The following CACNA2D3 variants were observed in gnomAD, a reference collection of about 807,000 sequenced individuals.
CACNA2D3 encodes the protein calcium voltage-gated channel auxiliary subunit alpha2delta 3, also known as voltage-dependent calcium channel subunit alpha-2/delta-3.
CACNA2D3 carries 60 observed loss-of-function variants against 160.6 expected under a neutral mutation model. The ratio of observed to expected loss-of-function variants is 0.37; its 90% CI spans 0.30 to 0.46. The LOEUF is 0.46. CACNA2D3 is among the 20% of genes least tolerant of loss of function. The pLI, the probability that CACNA2D3 is intolerant of heterozygous loss-of-function variation, is 1.00. For missense variants in CACNA2D3, 1,205 were observed against 1,365.0 expected (o/e 0.88, Z 1.85); for synonymous variants, 558 against 492.9 (o/e 1.13, Z -1.75).
intron 9 of CACNA2D3, among the ~76,000 whole-genome samples, chr3:54,626,858 C>T (rs548672000): frequency 6.6e-6 from 1 of 152,162 alleles, no homozygotes; most frequent in Non-Finnish European, 1.5e-5. Context: ...GGGCATGAGC[C>T]TGAATTCGCT....
chr3:54,165,783 A>G (rs557269184), intron 2 of CACNA2D3, among the ~76,000 whole-genome samples: 1 of 152,104 alleles, frequency 6.6e-6, no homozygotes, highest in Admixed American at 6.5e-5. Flanking sequence ...GGGTGACAGA[A>G]TGAGACCCTG....
chr3:54,316,692 C>T (rs915294391), intron 2 of CACNA2D3, among the ~76,000 whole-genome samples: 12 of 152,158 alleles, frequency 7.9e-5, no homozygotes, highest in Admixed American at 7.9e-4. Flanking sequence ...CACCAGTAGT[C>T]CTGGGAGACT....
At chr3:54,776,539 CCAAA>C (rs1441291315) in intron 13 of CACNA2D3, among the ~76,000 whole-genome samples, 3 of 151,978 alleles carry the variant, frequency 2.0e-5, no homozygotes, top group East Asian at 3.9e-4. Context: ...AAAACAGCAA[CCAAA>C]CAAAGACAAA....
chr3:54,522,094 A>G (rs1039236172), intron 5 of CACNA2D3, among the ~76,000 whole-genome samples: 1 of 152,176 alleles, frequency 6.6e-6, no homozygotes, highest in African/African-American at 2.4e-5. Flanking sequence ...TGGGATTCTG[A>G]CAGAGATTGA....
At chr3:54,750,775 C>CTTTT (rs36019615) in intron 11 of CACNA2D3, among the ~76,000 whole-genome samples, 1 of 144,318 alleles carries the variant, frequency 6.9e-6, no homozygotes, top group Non-Finnish European at 1.5e-5. Context: ...TGGATCTTTG[C>CTTTT]TTTTTTTTTT....
At chr3:54,619,168 A>G (rs1698927042) in intron 9 of CACNA2D3, among the ~76,000 whole-genome samples, 1 of 152,198 alleles carries the variant, frequency 6.6e-6, no homozygotes, top group Non-Finnish European at 1.5e-5. Context: ...CGCAAAGCTT[A>G]GTTCCCTGAG....
chr3:54,336,355 G>C (rs1704378371), intron 3 of CACNA2D3, among the ~76,000 whole-genome samples: 1 of 152,148 alleles, frequency 6.6e-6, no homozygotes, highest in South Asian at 2.1e-4. Flanking sequence ...TTGCTTGTTT[G>C]AGAGAGGGAG....
At chr3:54,956,174 T>C (rs78495174) in intron 27 of CACNA2D3, among the ~76,000 whole-genome samples, 2 of 152,168 alleles carry the variant, frequency 1.3e-5, no homozygotes, top group African/African-American at 4.8e-5. Flanking sequence ...CACCCAGGTG[T>C]TTGACTTTGA....
At chr3:54,587,659 A>G (rs568299030) in intron 9 of CACNA2D3, among the ~76,000 whole-genome samples, 2 of 152,356 alleles carry the variant, frequency 1.3e-5, no homozygotes, top group African/African-American at 4.8e-5. Flanking sequence ...GCAGTCATTA[A>G]AAGGATAATA....
At chr3:54,632,852 C>T (rs1699273403) in intron 10 of CACNA2D3, 1 of 152,138 alleles carries the variant, frequency 6.6e-6, no homozygotes, top group Non-Finnish European at 1.5e-5. Context: ...CCTTCCTGGG[C>T]AAGCATTTTC....
intron 2 of CACNA2D3, among the ~76,000 whole-genome samples, chr3:54,208,850 AGTTTATAAAGAAAAAGAG>A: frequency 6.6e-6 from 1 of 152,224 alleles, no homozygotes; most frequent in African/African-American, 2.4e-5. Flanking sequence ...GAGACTGGGC[AGTTTATAAAGAAAAAGAG>A]GTTTAATGGA....
chr3:54,587,698 A>C (rs1702787308), intron 9 of CACNA2D3, among the ~76,000 whole-genome samples: 1 of 152,254 alleles, frequency 6.6e-6, no homozygotes, highest in Non-Finnish European at 1.5e-5. Flanking sequence ...CTTTACACTC[A>C]TGAATTAACG....
At chr3:54,983,440 G>C (rs1253006693) in intron 29 of CACNA2D3, among the ~76,000 whole-genome samples, 1 of 152,194 alleles carries the variant, frequency 6.6e-6, no homozygotes, top group Non-Finnish European at 1.5e-5. Context: ...CTCCCTCCAG[G>C]ACCAAGGTAG....
intron 17 of CACNA2D3, among the ~76,000 whole-genome samples, chr3:54,860,998 G>A (rs978547307): frequency 5.3e-5 from 8 of 152,142 alleles, no homozygotes; most frequent in Middle Eastern, 3.4e-3. Context: ...TCATTCCCTC[G>A]GTCCACTCAT....
intron 13 of CACNA2D3, among the ~76,000 whole-genome samples, chr3:54,804,405 C>T (rs975306902): frequency 2.2e-4 from 34 of 152,116 alleles, no homozygotes; most frequent in Non-Finnish European, 3.2e-4. Context: ...GGGTTGCAAT[C>T]CTAGTCTCTG....
At chr3:54,946,694 A>T (rs1284063525) in intron 27 of CACNA2D3, among the ~76,000 whole-genome samples, 3 of 152,146 alleles carry the variant, frequency 2.0e-5, no homozygotes, top group Non-Finnish European at 1.5e-5. Flanking sequence ...CCAACCTCAG[A>T]AAAGCATGTT....
At chr3:55,037,176 G>T (rs550907199) in intron 35 of CACNA2D3, among the ~76,000 whole-genome samples, 6 of 152,276 alleles carry the variant, frequency 3.9e-5, no homozygotes, top group African/African-American at 1.4e-4. Context: ...AAAAGAAGAA[G>T]AAACCAAGGG....
At chr3:55,043,124 G>A (rs906924083) in intron 35 of CACNA2D3, among the ~76,000 whole-genome samples, 6 of 152,162 alleles carry the variant, frequency 3.9e-5, no homozygotes, top group Non-Finnish European at 7.3e-5. Context: ...ATGAACCTGG[G>A]AGTGGGGTTG....
Position 54,219,846 on chromosome 3 carries a change from A to G in CACNA2D3, c.204+96252A>G, listed in dbSNP as rs145058403. ...TCTGCAGAGCCTGGTTGAATAGGGCATATCTGGAAACATGCTAACAAGGTG... is the reference window on the plus strand; with the variant it reads ...TCTGCAGAGCCTGGTTGAATAGGGCGTATCTGGAAACATGCTAACAAGGTG... On this transcript the variant is annotated intron_variant, in intron 2 of 37. Transcript: ENST00000474759. Among the ~76,000 whole-genome samples, 749 of 152,196 alleles carry G rather than the reference A, an allele frequency of 4.9e-3. 5 individuals are homozygous for G. Among genetic ancestry groups the G allele is most frequent in the African/African-American group, 0.017 (691 of 41,514 alleles).
Sources: allele counts gnomAD v4.1 joint callset (sites outside exome capture counted in the v4.1 genomes callset), GRCh38; gene constraint gnomAD v4.1.1; transcripts MANE v1.5; gene names NCBI Gene and HGNC (gene_info 2026-07-23, HGNC 2026-07-21).